Variants in LARGE1 observed in about 807,000 individuals in gnomAD.
LARGE1 encodes the protein xylosyl- and glucuronyltransferase LARGE1.
LARGE1 carries 43 observed loss-of-function variants against 87.6 expected under a neutral mutation model. The observed-to-expected ratio is 0.49, with a 90% confidence interval of 0.38 to 0.63. The LOEUF is 0.63. Among genes scored for constraint, LARGE1 ranks in the 30% least tolerant of loss-of-function variants. LARGE1 has a pLI of 0.00. For missense variants in LARGE1, 802 were observed against 1,000.2 expected (o/e 0.80, Z 2.67); for synonymous variants, 434 against 394.6 (o/e 1.10, Z -1.18).
At chr22:33,316,297 G>A (rs1158832520) in intron 10 of LARGE1, 49 bp from the exon 11 acceptor site, 2 of 1,595,480 alleles carry the variant, frequency 1.3e-6, no homozygotes, top group South Asian at 1.1e-5. Context: ...AGGTCCGAGG[G>A]GGCCCATGAG....
At chr22:33,584,342 C>T (rs2030258808) in intron 5 of LARGE1, among the ~76,000 whole-genome samples, 1 of 152,194 alleles carries the variant, frequency 6.6e-6, no homozygotes, top group Admixed American at 6.5e-5. Flanking sequence ...GAACACCACA[C>T]TTCCCCCCGA....
chr22:33,600,653 A>T (rs1176760041), intron 5 of LARGE1, among the ~76,000 whole-genome samples: 9 of 149,172 alleles, frequency 6.0e-5, no homozygotes, highest in African/African-American at 2.2e-4. Context: ...GAGCAAAATG[A>T]ATCTGCAGGA....
At chr22:33,071,222 C>T in the LARGE1 span, among the ~76,000 whole-genome samples, 1 of 152,130 alleles carries the variant, frequency 6.6e-6, no homozygotes, top group Non-Finnish European at 1.5e-5. Flanking sequence ...TTCCCAGACA[C>T]TTATGTACCT....
intron 11 of LARGE1, among the ~76,000 whole-genome samples, chr22:33,171,310 T>C (rs1922559442): frequency 6.6e-6 from 1 of 152,208 alleles, no homozygotes; most frequent in Non-Finnish European, 1.5e-5. Context: ...TGCAGCCTGA[T>C]CATGTGGTGG....
chr22:33,284,989 C>G (rs1422848634), intron 12 of LARGE1, among the ~76,000 whole-genome samples: 1 of 152,228 alleles, frequency 6.6e-6, no homozygotes, highest in African/African-American at 2.4e-5. Context: ...TCCCTCGTCC[C>G]TAAAATGATG....
intron 5 of LARGE1, among the ~76,000 whole-genome samples, chr22:33,602,699 T>TG (rs1319597184): frequency 9.2e-5 from 14 of 151,444 alleles, no homozygotes; most frequent in Non-Finnish European, 5.9e-5. Context: ...TTTGTAGAGG[T>TG]GGGGGTCTCA....
the LARGE1 span, among the ~76,000 whole-genome samples, chr22:33,124,128 A>T: frequency 6.6e-6 from 1 of 152,058 alleles, no homozygotes; most frequent in African/African-American, 2.4e-5. Flanking sequence ...ATCTGCTAAA[A>T]ATACAAAAAT....
intron 1 of LARGE1, among the ~76,000 whole-genome samples, chr22:33,857,019 C>T (rs2063775145): frequency 6.6e-6 from 1 of 152,154 alleles, no homozygotes; most frequent in South Asian, 2.1e-4. Flanking sequence ...CAACCCTTGC[C>T]TTCTGGATTC....
intron 11 of LARGE1, among the ~76,000 whole-genome samples, chr22:33,180,007 C>T (rs11913937): frequency 0.036 from 5,414 of 152,170 alleles, 328 homozygotes; most frequent in African/African-American, 0.12. Flanking sequence ...CCTTTCTTGC[C>T]CTTCTGCCTT....
rs187147268 is a variant in LARGE1, at chr22:33,347,479, T to C, written c.1132-9678A>G. Reference sequence around the variant, plus strand: ...AAATCAGTGATAAAAGCTCTACTAATGTGGGATTTGGAATGGAGAAACATA... The same window carrying C: ...AAATCAGTGATAAAAGCTCTACTAACGTGGGATTTGGAATGGAGAAACATA... On this transcript the variant is annotated intron_variant, in intron 9 of 14. Transcript: ENST00000397394. 5.3e-5 allele frequency among the ~76,000 whole-genome samples: 8 copies of C among 152,366 alleles called. No individual in the cohort carries two copies. The East Asian group carries it at 1.3e-3, about 26-fold the overall frequency.
At chr22:33,073,026 A>G in the LARGE1 span, among the ~76,000 whole-genome samples, 1 of 152,178 alleles carries the variant, frequency 6.6e-6, no homozygotes, top group Non-Finnish European at 1.5e-5. Flanking sequence ...ATTTCCTATC[A>G]TTACAGTTCA....
At chr22:33,451,510 C>T (rs2147920578) in intron 6 of LARGE1, among the ~76,000 whole-genome samples, 1 of 151,706 alleles carries the variant, frequency 6.6e-6, no homozygotes, top group South Asian at 2.1e-4. Flanking sequence ...CTCACCCCCT[C>T]AAACCCTTTC....
chr22:33,598,843 T>C (rs749898424), intron 5 of LARGE1, among the ~76,000 whole-genome samples: 26 of 152,340 alleles, frequency 1.7e-4, no homozygotes, highest in Non-Finnish European at 3.4e-4. Context: ...TACATGTGCA[T>C]GTGTCTTTAT....
chr22:33,733,902 TAACA>T (rs2083559563), intron 2 of LARGE1, among the ~76,000 whole-genome samples: 1 of 152,158 alleles, frequency 6.6e-6, no homozygotes, highest in Non-Finnish European at 1.5e-5. Context: ...AAGGCTACCA[TAACA>T]AACAAAGAAT....
intron 11 of LARGE1, among the ~76,000 whole-genome samples, chr22:33,191,384 A>G (rs1228475446): frequency 2.6e-5 from 4 of 152,226 alleles, no homozygotes; most frequent in Non-Finnish European, 4.4e-5. Context: ...GGCTTTTCTG[A>G]ATCAGAATCT....
chr22:33,281,162 A>G (rs1483801876), intron 13 of LARGE1, among the ~76,000 whole-genome samples: 1 of 152,182 alleles, frequency 6.6e-6, no homozygotes, highest in Non-Finnish European at 1.5e-5. Flanking sequence ...TGGCCAGAGC[A>G]GCAATCACGG....
chr22:33,473,796 A>G (rs2068959539), intron 6 of LARGE1, among the ~76,000 whole-genome samples: 2 of 152,172 alleles, frequency 1.3e-5, no homozygotes, highest in South Asian at 4.1e-4. Context: ...AAAGTGATGG[A>G]AAAAAATATT....
chr22:33,869,855 G>C (rs527973160), intron 1 of LARGE1, among the ~76,000 whole-genome samples: 1 of 152,320 alleles, frequency 6.6e-6, no homozygotes, highest in East Asian at 1.9e-4. Context: ...ACCCCACAAA[G>C]GGCCGTCATC....
chr22:33,838,218 C>A (rs1337906712), intron 1 of LARGE1, among the ~76,000 whole-genome samples: 1 of 152,146 alleles, frequency 6.6e-6, no homozygotes, highest in Non-Finnish European at 1.5e-5. Context: ...CAATCATTAC[C>A]CCTACACAAT....
Sources: gnomAD v4.1 joint callset for allele counts (sites outside exome capture counted in the v4.1 genomes callset) on GRCh38, gnomAD v4.1.1 for gene constraint, MANE v1.5 for transcripts, NCBI Gene and HGNC (gene_info 2026-07-23, HGNC 2026-07-21) for gene names.